PYM1: variants seen among roughly 807,000 people sequenced by gnomAD.
PYM1 encodes the protein PYM1 exon junction complex associated factor.
A neutral mutation model predicts 20.7 loss-of-function variants in PYM1; 7 were observed. The ratio of observed to expected loss-of-function variants is 0.34; its 90% CI spans 0.19 to 0.64. The LOEUF (loss-of-function observed/expected upper bound fraction) is 0.64, where lower values mean the gene tolerates loss of function less well. Among genes scored for constraint, PYM1 ranks in the 30% least tolerant of loss-of-function variants. The probability of loss-of-function intolerance (pLI) is 0.74; values close to 1 mark genes in which losing one functional copy is unlikely to be tolerated. For synonymous variants in PYM1, 100 were observed against 99.2 expected (o/e 1.01, Z -0.05); for missense variants, 194 against 250.0 (o/e 0.78, Z 1.51).
At chr12:55,909,842 C>T (rs1444488835) in intron 1 of PYM1, among the ~76,000 whole-genome samples, 4 of 151,756 alleles carry the variant, frequency 2.6e-5, no homozygotes, top group Admixed American at 6.6e-5. Flanking sequence ...CAGTTACTAT[C>T]GGAAAAAATA....
chr12:55,901,542 C>T lies in PYM1; in HGVS notation c.*330G>A, dbSNP rs369109263. ...AGACTCCAAGACTTGGGCATACTCC[C>T]TCTACCCTCAGCCTCAGTTCTCCAA... On this transcript the variant is annotated 3_prime_UTR_variant, in exon 3 of 3. Coordinates refer to ENST00000408946, the MANE Select transcript of PYM1 (RefSeq NM_032345.3). The T allele has an allele frequency of 2.3e-4, 61 of 263,716 alleles. No individual in the cohort carries two copies. The highest frequency in any genetic ancestry group is 6.5e-5 in the Non-Finnish European group (9 of 138,016). 16.3% of individuals were successfully genotyped at this position (263,716 alleles called of 1,614,324 possible).
chr12:55,912,588 G>T (rs1882943502), intron 1 of PYM1, among the ~76,000 whole-genome samples: 2 of 140,902 alleles, frequency 1.4e-5, no homozygotes, highest in Admixed American at 1.4e-4. Flanking sequence ...CCGCAAGAGG[G>T]GGGAAAAAAA....
intron 1 of PYM1, among the ~76,000 whole-genome samples, chr12:55,908,266 A>C: frequency 6.6e-6 from 1 of 151,846 alleles, no homozygotes; most frequent in South Asian, 2.1e-4. Flanking sequence ...AAGTAAAATA[A>C]ATAAAAATAA....
At position 55,927,636 on chromosome 12, in the gene PYM1, C is replaced by A. The variant is rs1417492022; in HGVS notation, c.37+89G>T. On this transcript the variant is annotated intron_variant, in intron 1 of 2. Coordinates refer to ENST00000408946, the MANE Select transcript of PYM1 (RefSeq NM_032345.3). ...CCTAAGAAGGTGGGGAGGTCGAATT[C>A]GTGTGCCGATTGCTGTCGGCCAACC... The A allele has an allele frequency of 1.4e-5, 21 of 1,492,346 alleles. No homozygotes were observed. The South Asian group carries it at 2.4e-4, about 17-fold the overall frequency. The allele number at this position is 1,492,346 out of a possible 1,614,324, so 92.4% of individuals were successfully genotyped here.
At chr12:55,927,396 C>T in intron 1 of PYM1, 1 of 714,680 alleles carries the variant, frequency 1.4e-6, no homozygotes, top group Non-Finnish European at 2.5e-6. Context: ...CTCTCATCCC[C>T]AGGAACTCCT....
intron 1 of PYM1, among the ~76,000 whole-genome samples, chr12:55,905,863 A>ATATATATCTATTAGATATATATATTAT (rs1555180511): frequency 6.2e-4 from 26 of 42,062 alleles, no homozygotes; most frequent in Admixed American, 3.3e-3. Context: ...TATATTAGAT[A>ATATATATCTATTAGATATATATATTAT]TATATATATC....
chr12:55,927,527 G>T, intron 1 of PYM1, 198 bp downstream of exon 1: 1 of 706,728 alleles, frequency 1.4e-6, no homozygotes, highest in East Asian at 2.7e-5. Flanking sequence ...TCTCAGAGCG[G>T]CTTGGTGACG....
At position 55,902,262 on chromosome 12, in the gene PYM1, C is replaced by A; in HGVS notation, c.225G>T (p.Arg75Ser). 1 of 1,614,166 alleles carries A rather than the reference C, an allele frequency of 6.2e-7. No homozygotes were observed. Among genetic ancestry groups the A allele is most frequent in the Non-Finnish European group, 8.5e-7 (1 of 1,180,028 alleles). The part of the protein sequence containing the change: ...PEATAPVTPS[R>S]PEGGEPGLSK... ...AGAGGCCTGGTTCACCACCTTCAGG[C>A]CTGGATGGGGTGACAGGAGCAGTGG... Residue 75 changes from arginine (R) to serine (S), a missense_variant, in exon 3 of 3, where the codon AGG (arginine) becomes AGT (serine). Transcript: ENST00000408946.
Position 55,901,932 on chromosome 12 carries a change from T to C in PYM1, c.555A>G (p.Glu185=). ...EVSQPSKEQL[E]KLARRRALEE... is the part of the protein sequence containing the mutation. Reference sequence around the variant, plus strand: ...CTAGCGCCCTCCTCCTTGCTAGCTTTTCTAGCTGCTCTTTGCTAGGCTGGC... The same window carrying C: ...CTAGCGCCCTCCTCCTTGCTAGCTTCTCTAGCTGCTCTTTGCTAGGCTGGC... The change falls in exon 3 of 3, where the codon GAA becomes GAG. Residue 185 remains glutamate, a synonymous_variant. Coordinates refer to ENST00000408946, the MANE Select transcript of PYM1 (RefSeq NM_032345.3). The C allele has an allele frequency of 6.2e-7, 1 of 1,614,060 alleles. No individual in the cohort carries two copies.
chr12:55,918,586 T>C (rs1883047935), intron 1 of PYM1, among the ~76,000 whole-genome samples: 1 of 152,052 alleles, frequency 6.6e-6, no homozygotes, highest in Non-Finnish European at 1.5e-5. Context: ...ATTTAAAAAT[T>C]AGGCTGGACA....
intron 2 of PYM1, 139 bp from the exon 3 acceptor site, chr12:55,902,494 T>C (rs953153310): frequency 7.0e-6 from 9 of 1,285,688 alleles, no homozygotes; most frequent in Middle Eastern, 5.5e-4. Context: ...TGTTTGTTTT[T>C]TGAGATAGAG....
At chr12:55,927,490 A>G (rs914499052) in intron 1 of PYM1, 1 of 691,216 alleles carries the variant, frequency 1.4e-6, no homozygotes, top group Non-Finnish European at 2.5e-6. Flanking sequence ...GAAAGGAAGA[A>G]TATCCAGGCT....
At chr12:55,918,495 G>A (rs570269281) in intron 1 of PYM1, among the ~76,000 whole-genome samples, 5 of 152,318 alleles carry the variant, frequency 3.3e-5, no homozygotes, top group Admixed American at 6.5e-5. Context: ...CACACTAGGA[G>A]GCTGACGTAG....
intron 1 of PYM1, among the ~76,000 whole-genome samples, chr12:55,912,433 AT>A: frequency 6.6e-6 from 1 of 152,264 alleles, no homozygotes; most frequent in South Asian, 2.1e-4. Flanking sequence ...AAAAATTTCC[AT>A]TAGGCCAGGC....
At position 55,927,447 on chromosome 12, in the gene PYM1, A is replaced by C. The variant is rs140770226; in HGVS notation, c.37+278T>G. 548 of 698,392 alleles carry C rather than the reference A, an allele frequency of 7.8e-4. 4 individuals are homozygous for C. The highest frequency in any genetic ancestry group is 1.4e-3 in the Admixed American group (64 of 45,162). 43.3% of individuals were successfully genotyped at this position (698,392 alleles called of 1,614,324 possible). A position where few individuals can be genotyped will look rare whatever the true frequency, so the allele number is the denominator to read the frequency against. Reference sequence around the variant, plus strand: ...TGCGAGGGAAAAGGGCGCAAGGCCCACCTGCACCCAAAAAGGGGGCCTTAT... The same window carrying C: ...TGCGAGGGAAAAGGGCGCAAGGCCCCCCTGCACCCAAAAAGGGGGCCTTAT... On this transcript the variant is annotated intron_variant, in intron 1 of 2. Coordinates refer to ENST00000408946, the MANE Select transcript of PYM1 (RefSeq NM_032345.3).
rs1161516464 is a variant in PYM1, at chr12:55,927,852, G to A, written c.-91C>T. On this transcript the variant is annotated 5_prime_UTR_variant, in exon 1 of 3. Transcript: ENST00000408946. Reference sequence around the variant, plus strand: ...GCCGGGGATTCGGCGGCGAAGTGATGAGGGCCCTAGTTGCTTCTCGCCCAG... The same window carrying A: ...GCCGGGGATTCGGCGGCGAAGTGATAAGGGCCCTAGTTGCTTCTCGCCCAG... 6.7e-7 allele frequency: 1 copy of A among 1,482,514 alleles called. No homozygotes were observed. The highest frequency in any genetic ancestry group is 9.0e-7 in the Non-Finnish European group (1 of 1,109,612). The allele number at this position is 1,482,514 out of a possible 1,614,324, so 91.8% of individuals were successfully genotyped here. A position where few individuals can be genotyped will look rare whatever the true frequency, so the allele number is the denominator to read the frequency against.
chr12:55,912,209 G>A (rs138627476), intron 1 of PYM1, among the ~76,000 whole-genome samples: 5 of 151,836 alleles, frequency 3.3e-5, no homozygotes, highest in Admixed American at 2.0e-4. Context: ...AAAATTAGCT[G>A]GGCATGGTGG....
chr12:55,927,854 G>C lies in PYM1; in HGVS notation c.-93C>G. On this transcript the variant is annotated 5_prime_UTR_variant, in exon 1 of 3. Coordinates refer to ENST00000408946, the MANE Select transcript of PYM1 (RefSeq NM_032345.3). ...CGGGGATTCGGCGGCGAAGTGATGA[G>C]GGCCCTAGTTGCTTCTCGCCCAGAC... 1 of 1,477,982 alleles carries C rather than the reference G, an allele frequency of 6.8e-7. No individual in the cohort carries two copies. Among genetic ancestry groups the C allele is most frequent in the South Asian group, 1.3e-5 (1 of 79,642 alleles). The allele number at this position is 1,477,982 out of a possible 1,614,324, so 91.6% of individuals were successfully genotyped here.
chr12:55,925,922 G>C (rs566413763), intron 1 of PYM1, among the ~76,000 whole-genome samples: 2 of 152,354 alleles, frequency 1.3e-5, no homozygotes, highest in South Asian at 4.1e-4. Flanking sequence ...AGAACAGAAG[G>C]AAAGAGGTAG....
Sources: gnomAD v4.1 joint callset for allele counts (sites outside exome capture counted in the v4.1 genomes callset) on GRCh38, gnomAD v4.1.1 for gene constraint, MANE v1.5 for transcripts, NCBI Gene and HGNC (gene_info 2026-07-23, HGNC 2026-07-21) for gene names.